RANBP2: variants seen among roughly 807,000 people sequenced by gnomAD.
The protein encoded by RANBP2 is E3 SUMO-protein ligase RanBP2.
RANBP2 carries 57 observed loss-of-function variants against 303.6 expected under a neutral mutation model. The observed-to-expected ratio is 0.19, with a 90% confidence interval of 0.15 to 0.23. The LOEUF is 0.23. Ranked by LOEUF, RANBP2 falls within the 10% of genes least tolerant of loss-of-function variation. The pLI, the probability that RANBP2 is intolerant of heterozygous loss-of-function variation, is 1.00. For missense variants in RANBP2, 3,138 were observed against 3,780.8 expected, an observed-to-expected ratio of 0.83 and a Z score of 4.46; for synonymous variants, 1,167 against 1,301.5, an observed-to-expected ratio of 0.90 and a Z score of 2.23.
chr2:108,735,814 A>T (rs547735854), intron 5 of RANBP2, 52 bp downstream of exon 5: 6 of 1,597,580 alleles, frequency 3.8e-6, no homozygotes, highest in Middle Eastern at 2.3e-4. Flanking sequence ...ATTAGCATAC[A>T]TCTTTTTGTA....
the RANBP2 span, among the ~76,000 whole-genome samples, chr2:109,528,514 C>A: frequency 6.6e-6 from 1 of 152,182 alleles, no homozygotes; most frequent in African/African-American, 2.4e-5. Flanking sequence ...GTCCCAGGAC[C>A]CCGCTGGAAG....
chr2:108,982,901 C>T, the RANBP2 span, among the ~76,000 whole-genome samples: 1 of 152,200 alleles, frequency 6.6e-6, no homozygotes, highest in African/African-American at 2.4e-5. Context: ...CCCAGACAGG[C>T]CAGGTGCCTG....
At chr2:109,264,703 C>T in the RANBP2 span, among the ~76,000 whole-genome samples, 7 of 152,312 alleles carry the variant, frequency 4.6e-5, no homozygotes, top group South Asian at 4.1e-4. Context: ...TAGATGTTTC[C>T]GTAAGGGCTT....
the RANBP2 span, among the ~76,000 whole-genome samples, chr2:108,927,128 GTCCCCA>G: frequency 6.6e-6 from 1 of 152,190 alleles, no homozygotes; most frequent in Admixed American, 6.5e-5. Flanking sequence ...CCTGGAAACT[GTCCCCA>G]TCGTCTGCAC....
the RANBP2 span, chr2:109,449,249 C>T: frequency 1.2e-6 from 2 of 1,612,822 alleles, no homozygotes; most frequent in Non-Finnish European, 1.7e-6. Flanking sequence ...CTCCATCCCG[C>T]CTGCCTGCCA....
the RANBP2 span, among the ~76,000 whole-genome samples, chr2:109,321,055 A>G: frequency 6.6e-6 from 1 of 152,104 alleles, no homozygotes; most frequent in African/African-American, 2.4e-5. Context: ...CTGATAACTT[A>G]TAGACATGTA....
the RANBP2 span, among the ~76,000 whole-genome samples, chr2:109,586,913 GA>G: frequency 5.3e-5 from 8 of 152,240 alleles, no homozygotes; most frequent in East Asian, 1.3e-3. Flanking sequence ...TTGCCTGTTA[GA>G]ACAAAGTTCA....
At chr2:108,774,040 ACAT>A (rs1290956751) in intron 23 of RANBP2, among the ~76,000 whole-genome samples, 1 of 152,254 alleles carries the variant, frequency 6.6e-6, no homozygotes. Context: ...CTACATTGAC[ACAT>A]CATCACCTAA....
At chr2:109,521,304 C>T in the RANBP2 span, among the ~76,000 whole-genome samples, 1 of 151,992 alleles carries the variant, frequency 6.6e-6, no homozygotes, top group East Asian at 1.9e-4. Context: ...CCAAGAGGGG[C>T]AGGGACAGAA....
the RANBP2 span, among the ~76,000 whole-genome samples, chr2:109,426,610 T>C: frequency 2.0e-5 from 3 of 152,240 alleles, no homozygotes; most frequent in Non-Finnish European, 4.4e-5. Flanking sequence ...CTGGTGAAGA[T>C]GGTGGGAACA....
the RANBP2 span, among the ~76,000 whole-genome samples, chr2:109,708,986 T>C: frequency 2.1e-5 from 3 of 141,246 alleles, no homozygotes; most frequent in Non-Finnish European, 3.1e-5. Context: ...CAAAAATAAA[T>C]AAATAAGTAA....
chr2:108,907,214 G>A, the RANBP2 span, among the ~76,000 whole-genome samples: 1 of 152,228 alleles, frequency 6.6e-6, no homozygotes, highest in African/African-American at 2.4e-5. Context: ...TTGTGTGTGT[G>A]TGTGTCTAGA....
At chr2:109,031,103 T>C in the RANBP2 span, among the ~76,000 whole-genome samples, 8 of 152,258 alleles carry the variant, frequency 5.3e-5, 1 homozygote, top group African/African-American at 1.9e-4. Flanking sequence ...GTATTGTGAT[T>C]GGGCAATGGT....
chr2:108,927,384 C>T, the RANBP2 span, among the ~76,000 whole-genome samples: 1 of 152,214 alleles, frequency 6.6e-6, no homozygotes, highest in African/African-American at 2.4e-5. Context: ...TGGCTGTCCA[C>T]ATTCGCCTGA....
At chr2:108,822,194 A>C in the RANBP2 span, among the ~76,000 whole-genome samples, 1 of 152,192 alleles carries the variant, frequency 6.6e-6, no homozygotes, top group Non-Finnish European at 1.5e-5. Flanking sequence ...TTTACGTCAA[A>C]AACTGTTACA....
At chr2:109,288,726 G>C in the RANBP2 span, among the ~76,000 whole-genome samples, 3 of 152,182 alleles carry the variant, frequency 2.0e-5, no homozygotes, top group Non-Finnish European at 4.4e-5. Flanking sequence ...CCTGTCTTAG[G>C]AACATGGGTA....
the RANBP2 span, among the ~76,000 whole-genome samples, chr2:108,951,428 TATGTG>T: frequency 6.6e-6 from 1 of 152,216 alleles, no homozygotes; most frequent in East Asian, 1.9e-4. Context: ...CAGGATGTCT[TATGTG>T]ATTATTGTAC....
chr2:108,828,926 C>T, the RANBP2 span, among the ~76,000 whole-genome samples: 1 of 151,938 alleles, frequency 6.6e-6, no homozygotes, highest in African/African-American at 2.4e-5. Flanking sequence ...TGCAGTGAGC[C>T]GAGATCACGC....
chr2:108,938,388 A>G, the RANBP2 span, among the ~76,000 whole-genome samples: 1 of 152,226 alleles, frequency 6.6e-6, no homozygotes, highest in African/African-American at 2.4e-5. Flanking sequence ...GTGCACTTGT[A>G]CACAGAACTG....
Sources: gnomAD v4.1 joint callset for allele counts (sites outside exome capture counted in the v4.1 genomes callset) on GRCh38, gnomAD v4.1.1 for gene constraint, MANE v1.5 for transcripts, NCBI Gene and HGNC (gene_info 2026-07-23, HGNC 2026-07-21) for gene names.